The following MAGI3 variants were observed in gnomAD, a reference collection of about 807,000 sequenced individuals.
MAGI3 encodes membrane-associated guanylate kinase, WW and PDZ domain-containing protein 3.
MAGI3 carries 43 observed loss-of-function variants against 121.8 expected under a neutral mutation model. That is an observed-to-expected ratio of 0.35 (90% CI 0.28 to 0.46). The LOEUF is 0.46. MAGI3 is among the 20% of genes least tolerant of loss of function. MAGI3 has a pLI of 1.00. For missense variants in MAGI3, 1,547 were observed against 1,797.3 expected (o/e 0.86, Z 2.52); for synonymous variants, 553 against 639.3 (o/e 0.86, Z 2.04).
rs1654386828 is a variant in MAGI3, at chr1:113,449,775, G to C, written c.316+58426G>C. 13 of 1,066,444 alleles carry C rather than the reference G, an allele frequency of 1.2e-5. No homozygotes were observed. The South Asian group carries it at 1.5e-4, about 12-fold the overall frequency. The allele number at this position is 1,066,444 out of a possible 1,614,324, so 66.1% of individuals were successfully genotyped here. A position where few individuals can be genotyped will look rare whatever the true frequency, so the allele number is the denominator to read the frequency against. On this transcript the variant is annotated intron_variant, in intron 1 of 20. Coordinates refer to ENST00000307546, the MANE Select transcript of MAGI3 (RefSeq NM_001142782.2). ...TGGTGGTCTGAGCTTTGAAACTACAGATGATAGTTTAAGAGAACATTTTGA... is the reference window on the plus strand; with the variant it reads ...TGGTGGTCTGAGCTTTGAAACTACACATGATAGTTTAAGAGAACATTTTGA...
intron 1 of MAGI3, among the ~76,000 whole-genome samples, chr1:113,469,636 T>C (rs1291210054): frequency 6.6e-6 from 1 of 152,170 alleles, no homozygotes; most frequent in Non-Finnish European, 1.5e-5. Flanking sequence ...AATTATCATT[T>C]GACTTTTGGG....
rs144130771 is a variant in MAGI3 at position 113,450,310 on chromosome 1, G to A, written c.316+58961G>A. On this transcript the variant is annotated intron_variant, in intron 1 of 20. Coordinates refer to ENST00000307546, the MANE Select transcript of MAGI3 (RefSeq NM_001142782.2). Reference sequence around the variant, plus strand: ...TGGATCTGGCAATTTTATGGGTCGCGGAGGAAACTTTGGAGGTGGTGGAGG... The same window carrying A: ...TGGATCTGGCAATTTTATGGGTCGCAGAGGAAACTTTGGAGGTGGTGGAGG... The A allele has an allele frequency of 1.8e-3, 2,799 of 1,537,984 alleles. 44 individuals are homozygous for A. The African/African-American group carries it at 0.032, about 18-fold the overall frequency.
chr1:113,587,983 T>C (rs1210421371), intron 4 of MAGI3, among the ~76,000 whole-genome samples: 1 of 152,210 alleles, frequency 6.6e-6, no homozygotes, highest in East Asian at 1.9e-4. Flanking sequence ...CTAAATGCCA[T>C]TGTGCTAAAT....
intron 1 of MAGI3, among the ~76,000 whole-genome samples, chr1:113,434,428 C>CAA (rs1364685551): frequency 2.6e-5 from 4 of 152,058 alleles, no homozygotes; most frequent in East Asian, 1.9e-4. Flanking sequence ...CACACACACA[C>CAA]AAAAAGCGTA....
chr1:113,570,718 C>T (rs11577235), intron 2 of MAGI3, among the ~76,000 whole-genome samples: 9,919 of 152,060 alleles, frequency 0.065, 365 homozygotes, highest in Non-Finnish European at 0.075. Context: ...TCATATCCTT[C>T]GCCCAATTTT....
At chr1:113,588,315 G>C (rs537535890) in intron 4 of MAGI3, among the ~76,000 whole-genome samples, 17 of 152,274 alleles carry the variant, frequency 1.1e-4, no homozygotes, top group Middle Eastern at 3.4e-3. Flanking sequence ...CAATAGCAAG[G>C]AAACCAGAGT....
intron 5 of MAGI3, among the ~76,000 whole-genome samples, chr1:113,591,510 C>T (rs1403720377): frequency 6.6e-6 from 1 of 152,042 alleles, no homozygotes; most frequent in Non-Finnish European, 1.5e-5. Flanking sequence ...GTCCCAATTC[C>T]GTACCCTTCC....
intron 1 of MAGI3, among the ~76,000 whole-genome samples, chr1:113,448,619 T>A (rs2101478554): frequency 6.6e-6 from 1 of 152,300 alleles, no homozygotes; most frequent in African/African-American, 2.4e-5. Flanking sequence ...TAGGTAACCC[T>A]AATTTCTTTT....
intron 1 of MAGI3, among the ~76,000 whole-genome samples, chr1:113,423,729 C>T (rs954202080): frequency 1.7e-4 from 26 of 152,194 alleles, no homozygotes; most frequent in Admixed American, 6.5e-4. Context: ...ACTGGCAGCC[C>T]GGCCTCCAGG....
intron 9 of MAGI3, among the ~76,000 whole-genome samples, chr1:113,641,523 G>A (rs1049318542): frequency 6.6e-6 from 1 of 151,988 alleles, no homozygotes; most frequent in Non-Finnish European, 1.5e-5. Flanking sequence ...AATACAGTTT[G>A]TACAAGTAGT....
intron 1 of MAGI3, among the ~76,000 whole-genome samples, chr1:113,533,757 T>A (rs1385302718): frequency 6.6e-6 from 1 of 151,718 alleles, no homozygotes; most frequent in Non-Finnish European, 1.5e-5. Flanking sequence ...CTCCCTTGAT[T>A]TGGACTGTTT....
At chr1:113,411,434 A>G (rs1221806383) in intron 1 of MAGI3, among the ~76,000 whole-genome samples, 1 of 151,412 alleles carries the variant, frequency 6.6e-6, no homozygotes, top group Admixed American at 6.6e-5. Context: ...TTTTTTTTTC[A>G]GAAGGCAAAT....
intron 2 of MAGI3, among the ~76,000 whole-genome samples, chr1:113,566,717 G>C (rs1660446551): frequency 1.3e-5 from 2 of 151,998 alleles, no homozygotes; most frequent in African/African-American, 4.8e-5. Flanking sequence ...GATCATGAGA[G>C]AATTTAGGAA....
intron 9 of MAGI3, among the ~76,000 whole-genome samples, chr1:113,641,170 CTA>C (rs1184512811): frequency 7.4e-6 from 1 of 135,366 alleles, no homozygotes; most frequent in African/African-American, 2.8e-5. Context: ...ATATATAAAT[CTA>C]TATATATATC....
chr1:113,639,267 C>T (rs902600361), intron 9 of MAGI3, among the ~76,000 whole-genome samples: 4 of 152,232 alleles, frequency 2.6e-5, no homozygotes, highest in Admixed American at 6.5e-5. Context: ...TCTGGCACTC[C>T]CTAGTGAGAT....
chr1:113,616,701 G>A (rs923271358), intron 7 of MAGI3, among the ~76,000 whole-genome samples: 2 of 151,766 alleles, frequency 1.3e-5, no homozygotes, highest in Admixed American at 6.6e-5. Flanking sequence ...TTAGAAATGC[G>A]GTCTTGATTA....
intron 1 of MAGI3, among the ~76,000 whole-genome samples, chr1:113,509,436 T>C (rs1657507142): frequency 1.4e-5 from 2 of 146,606 alleles, no homozygotes; most frequent in African/African-American, 5.0e-5. Context: ...CAAAAATTAG[T>C]TAACCAATGC....
At chr1:113,416,410 T>G (rs1282166346) in intron 1 of MAGI3, among the ~76,000 whole-genome samples, 1 of 93,104 alleles carries the variant, frequency 1.1e-5, no homozygotes, top group African/African-American at 3.8e-5. Flanking sequence ...AATTAATTAA[T>G]AATTAATAAT....
intron 6 of MAGI3, among the ~76,000 whole-genome samples, chr1:113,598,265 G>T (rs938013415): frequency 7.8e-6 from 1 of 127,468 alleles, no homozygotes; most frequent in Non-Finnish European, 1.6e-5. Context: ...TAAAGCAATA[G>T]CACAGTAAAG....
Sources: allele counts gnomAD v4.1 joint callset (sites outside exome capture counted in the v4.1 genomes callset), GRCh38; gene constraint gnomAD v4.1.1; transcripts MANE v1.5; gene names NCBI Gene and HGNC (gene_info 2026-07-23, HGNC 2026-07-21).